Variants in PTPRM observed in about 807,000 individuals in gnomAD.
PTPRM encodes the protein protein tyrosine phosphatase receptor type M.
In PTPRM, 47 loss-of-function variants were observed where a neutral mutation model predicts 186.7. The ratio of observed to expected loss-of-function variants is 0.25; its 90% CI spans 0.20 to 0.32. PTPRM has a LOEUF of 0.32. Ranked by LOEUF, PTPRM falls within the 10% of genes least tolerant of loss-of-function variation. PTPRM has a pLI of 1.00. For missense variants in PTPRM, 1,494 were observed against 1,865.0 expected, an observed-to-expected ratio of 0.80 and a Z score of 3.66; for synonymous variants, 668 against 674.9, an observed-to-expected ratio of 0.99 and a Z score of 0.16.
intron 2 of PTPRM, among the ~76,000 whole-genome samples, chr18:7,882,959 A>C (rs906131103): frequency 2.0e-5 from 3 of 152,236 alleles, no homozygotes; most frequent in Non-Finnish European, 4.4e-5. Context: ...CAGAGATTTG[A>C]GAATGTGAAC....
chr18:8,233,280 A>G (rs7243209), intron 14 of PTPRM, among the ~76,000 whole-genome samples: 17,807 of 152,200 alleles, frequency 0.12, 1,213 homozygotes, highest in Non-Finnish European at 0.16. Context: ...TTGCATTCCT[A>G]TCAACAATGA....
chr18:8,064,457 A>G (rs999968542), intron 7 of PTPRM, among the ~76,000 whole-genome samples: 2 of 151,888 alleles, frequency 1.3e-5, no homozygotes, highest in African/African-American at 4.8e-5. Flanking sequence ...TCTCCCTTAT[A>G]TAGGATTGTA....
chr18:7,920,321 T>C (rs1253255092), intron 4 of PTPRM, among the ~76,000 whole-genome samples: 2 of 152,178 alleles, frequency 1.3e-5, no homozygotes, highest in Admixed American at 1.3e-4. Flanking sequence ...CGTGTTTTAA[T>C]TTGTTGTTTT....
intron 13 of PTPRM, among the ~76,000 whole-genome samples, chr18:8,116,560 T>C (rs2091965786): frequency 6.6e-6 from 1 of 152,160 alleles, no homozygotes; most frequent in South Asian, 2.1e-4. Context: ...CAGTATTGTG[T>C]AGTGTAAGCA....
At chr18:7,598,727 T>C (rs904311083) in intron 1 of PTPRM, among the ~76,000 whole-genome samples, 5 of 152,138 alleles carry the variant, frequency 3.3e-5, no homozygotes, top group Admixed American at 3.3e-4. Context: ...GCTGTTATCT[T>C]AGTGTTTGTT....
At chr18:8,168,639 T>C (rs1424865622) in intron 14 of PTPRM, among the ~76,000 whole-genome samples, 1 of 152,234 alleles carries the variant, frequency 6.6e-6, no homozygotes, top group African/African-American at 2.4e-5. Context: ...AACACTAAAT[T>C]ATTTGTGTTA....
intron 2 of PTPRM, among the ~76,000 whole-genome samples, chr18:7,883,729 T>G (rs1335902172): frequency 6.6e-6 from 1 of 152,222 alleles, no homozygotes; most frequent in East Asian, 1.9e-4. Context: ...AGGTTTTGTG[T>G]TATCTCAGTA....
chr18:7,751,115 G>C (rs892079975), intron 1 of PTPRM: 1 of 152,168 alleles, frequency 6.6e-6, no homozygotes, highest in East Asian at 1.9e-4. Context: ...TCGAAGATAA[G>C]CCCTTGCCTA....
chr18:7,898,991 A>G (rs1300859871), intron 3 of PTPRM, among the ~76,000 whole-genome samples: 1 of 152,200 alleles, frequency 6.6e-6, no homozygotes, highest in Middle Eastern at 3.2e-3. Context: ...TATGTAATTT[A>G]TGTTGTTGAT....
chr18:8,374,289 G>C (rs2095682049), intron 24 of PTPRM, among the ~76,000 whole-genome samples: 1 of 152,128 alleles, frequency 6.6e-6, no homozygotes, highest in Non-Finnish European at 1.5e-5. Context: ...AAGCTAGAGA[G>C]AGAAGCACAC....
intron 9 of PTPRM, among the ~76,000 whole-genome samples, chr18:8,079,751 G>A (rs1184887635): frequency 6.6e-6 from 1 of 151,886 alleles, no homozygotes; most frequent in East Asian, 1.9e-4. Context: ...ATAAAACTCA[G>A]CAGTCATTAA....
chr18:7,716,645 A>G (rs2040338980), intron 1 of PTPRM, among the ~76,000 whole-genome samples: 1 of 152,226 alleles, frequency 6.6e-6, no homozygotes, highest in Non-Finnish European at 1.5e-5. Flanking sequence ...TAAGAACAAA[A>G]CAGCCCCATC....
At chr18:7,746,040 A>G (rs183613345) in intron 1 of PTPRM, among the ~76,000 whole-genome samples, 1 of 152,338 alleles carries the variant, frequency 6.6e-6, no homozygotes, top group Non-Finnish European at 1.5e-5. Context: ...ATGGAGTCCC[A>G]GAAAAAGAGG....
At chr18:7,832,142 T>G (rs1234853673) in intron 2 of PTPRM, among the ~76,000 whole-genome samples, 1 of 152,188 alleles carries the variant, frequency 6.6e-6, no homozygotes, top group Non-Finnish European at 1.5e-5. Flanking sequence ...GATATATATG[T>G]GCAGTGGGAT....
intron 14 of PTPRM, among the ~76,000 whole-genome samples, chr18:8,189,032 G>A (rs1170650613): frequency 8.6e-5 from 13 of 151,896 alleles, no homozygotes; most frequent in Admixed American, 1.3e-4. Context: ...GAGGCTGGGC[G>A]TGGTGGCTCA....
At chr18:8,296,944 A>G (rs2095103613) in intron 20 of PTPRM, among the ~76,000 whole-genome samples, 1 of 152,184 alleles carries the variant, frequency 6.6e-6, no homozygotes, top group Non-Finnish European at 1.5e-5. Context: ...CCATATCACA[A>G]CACTCATTAG....
chr18:7,750,815 G>C (rs1259402462), intron 1 of PTPRM, among the ~76,000 whole-genome samples: 3 of 152,012 alleles, frequency 2.0e-5, no homozygotes, highest in African/African-American at 7.3e-5. Flanking sequence ...CTCCCAATGC[G>C]GCTATGCATT....
intron 2 of PTPRM, chr18:7,887,897 A>G (rs779354326): frequency 4.0e-6 from 3 of 742,220 alleles, no homozygotes; most frequent in South Asian, 1.4e-5. Flanking sequence ...GGAATTTTCC[A>G]TTAATACTAT....
chr18:7,871,371 A>G (rs1360947133), intron 2 of PTPRM, among the ~76,000 whole-genome samples: 1 of 152,198 alleles, frequency 6.6e-6, no homozygotes, highest in African/African-American at 2.4e-5. Flanking sequence ...TGATGATCCT[A>G]AACTTGCGTT....
Sources: gnomAD v4.1 joint callset for allele counts (sites outside exome capture counted in the v4.1 genomes callset) on GRCh38, gnomAD v4.1.1 for gene constraint, MANE v1.5 for transcripts, NCBI Gene and HGNC (gene_info 2026-07-23, HGNC 2026-07-21) for gene names.